The following PCDHA9 variants were observed in gnomAD, a reference collection of about 807,000 sequenced individuals.
PCDHA9 encodes protocadherin alpha-9.
A neutral mutation model predicts 62.0 loss-of-function variants in PCDHA9; 62 were observed. That is an observed-to-expected ratio of 1.00 (90% CI 0.81 to 1.23). The LOEUF is 1.23. Ranked by LOEUF, PCDHA9 falls within the 50% of genes most tolerant of loss-of-function variation. The pLI is 0.00. For synonymous variants in PCDHA9, 557 were observed against 567.6 expected, an observed-to-expected ratio of 0.98 and a Z score of 0.27; for missense variants, 1,205 against 1,249.8, an observed-to-expected ratio of 0.96 and a Z score of 0.54.
chr5:140,966,363 G>A (rs1476634162), intron 1 of PCDHA9: 3 of 402,216 alleles, frequency 7.5e-6, no homozygotes, highest in Admixed American at 4.4e-5. Flanking sequence ...GGGCTGGAGA[G>A]GCTGAGCAGT....
At chr5:140,857,704 G>T in intron 1 of PCDHA9, 1 of 1,597,424 alleles carries the variant, frequency 6.3e-7, no homozygotes, top group Admixed American at 1.7e-5. Flanking sequence ...CGCTGCAGGT[G>T]TTCGTGCTGG....
In PCDHA9 at chr5:140,863,367, G is replaced by A. The variant is rs782714685; in HGVS notation, c.2394+12478G>A. The A allele has an allele frequency of 1.5e-5, 18 of 1,191,312 alleles. No homozygotes were observed. The East Asian group carries it at 5.3e-4, about 35-fold the overall frequency. The allele number at this position is 1,191,312 out of a possible 1,614,324, so 73.8% of individuals were successfully genotyped here. A position where few individuals can be genotyped will look rare whatever the true frequency, so the allele number is the denominator to read the frequency against. ...TGTACACGACGCTGCGGTGCTTGGC[G>A]CAGCTCACCGAGAGCTCGTGCATGC... is the stretch of plus-strand genomic sequence containing the variant. On this transcript the variant is annotated intron_variant, in intron 1 of 3. Transcript: ENST00000532602.
At chr5:140,905,202 T>C (rs1554191944) in intron 1 of PCDHA9, among the ~76,000 whole-genome samples, 1 of 152,196 alleles carries the variant, frequency 6.6e-6, no homozygotes, top group Non-Finnish European at 1.5e-5. Flanking sequence ...CCATCTTGAG[T>C]TGATTTTTGT....
chr5:140,851,307 T>C (rs1562478803), intron 1 of PCDHA9: 21 of 1,000,198 alleles, frequency 2.1e-5, no homozygotes, highest in Non-Finnish European at 2.6e-5. Context: ...TATATAGCAA[T>C]TGTTACCTTG....
chr5:140,997,324 T>C (rs1447294871), intron 3 of PCDHA9, among the ~76,000 whole-genome samples: 1 of 152,202 alleles, frequency 6.6e-6, no homozygotes, highest in Non-Finnish European at 1.5e-5. Context: ...TAGGCAGTTT[T>C]TTCGTTGTAC....
intron 1 of PCDHA9, chr5:140,877,170 G>A (rs782615376): frequency 6.2e-7 from 1 of 1,613,712 alleles, no homozygotes. Flanking sequence ...CGGCACTGCT[G>A]GCGACTCCGG....
intron 1 of PCDHA9, among the ~76,000 whole-genome samples, chr5:140,958,419 A>G (rs1275772647): frequency 6.6e-6 from 1 of 152,196 alleles, no homozygotes; most frequent in Non-Finnish European, 1.5e-5. Flanking sequence ...GCTTGGAAAG[A>G]AGCACTTTTT....
rs2150482265 is a variant in PCDHA9, at chr5:140,850,396, C to T, written c.1901C>T (p.Thr634Met). 6.3e-7 allele frequency: 1 copy of T among 1,597,978 alleles called. No individual in the cohort carries two copies. The highest frequency in any genetic ancestry group is 8.6e-7 in the Non-Finnish European group (1 of 1,167,738). ...CTGTACACGGGCGAGATCAGCACAA[C>T]GCGTGCCCTGGACGAAACGGACGCA... ...VGLYTGEIST[T>M]RALDETDAPR... Residue 634 changes from threonine (T) to methionine (M), a missense_variant, in exon 1 of 4, where the codon ACG becomes ATG. By Grantham distance (81) the Thr-to-Met change is moderately conservative. Around this residue, in one of 3 missense-constraint regions of PCDHA9, gnomAD observed 887 missense variants for 809.5 expected, o/e 1.10. Transcript: ENST00000532602.
In PCDHA9 at chr5:140,879,581, G is replaced by A. The variant is rs537126502; in HGVS notation, c.2394+28692G>A. On this transcript the variant is annotated intron_variant, in intron 1 of 3. Transcript: ENST00000532602. ...ATGAAAGAATAAAATTGCCAAGACA[G>A]ACATTGAAAAGTGAAAAACAATGTG... Among the ~76,000 whole-genome samples the A allele has an allele frequency of 2.6e-5, 4 of 152,334 alleles. No individual in the cohort carries two copies. In the East Asian group the frequency reaches 7.7e-4, roughly 29 times the overall value.
chr5:140,852,638 T>C lies in PCDHA9; in HGVS notation c.2394+1749T>C. 5 of 960,950 alleles carry C rather than the reference T, an allele frequency of 5.2e-6. 1 individual carries two copies. Among genetic ancestry groups the C allele is most frequent in the Non-Finnish European group, 6.3e-6 (5 of 795,190 alleles). The allele number at this position is 960,950 out of a possible 1,614,324, so 59.5% of individuals were successfully genotyped here. On this transcript the variant is annotated intron_variant, in intron 1 of 3. Coordinates refer to ENST00000532602, the MANE Select transcript of PCDHA9 (RefSeq NM_031857.2). ...TTGAGTGGTCTCTGAGCTCCTGTCA[T>C]TAAACCTATCTATATCTGTCTATCA...
chr5:140,926,967 A>G (rs782296182), intron 1 of PCDHA9: 4 of 1,606,666 alleles, frequency 2.5e-6, no homozygotes, highest in Middle Eastern at 1.7e-4. Context: ...TCGAGTACTC[A>G]GTGCCGGAGG....
chr5:140,870,825 C>G (rs1554164734), intron 1 of PCDHA9: 1 of 1,613,726 alleles, frequency 6.2e-7, no homozygotes. Flanking sequence ...GCGCGGGAGG[C>G]GCAGTTAACA....
intron 1 of PCDHA9, among the ~76,000 whole-genome samples, chr5:140,887,995 G>A (rs537858803): frequency 8.5e-5 from 13 of 152,066 alleles, no homozygotes; most frequent in South Asian, 6.2e-4. Context: ...TGTCTCCACC[G>A]AATAGTCATC....
At position 140,983,206 on chromosome 5, in the gene PCDHA9, C is replaced by G. The variant is rs184479967; in HGVS notation, c.2542+643C>G. 1.8e-3 allele frequency among the ~76,000 whole-genome samples: 271 copies of G among 152,316 alleles called. 2 individuals are homozygous for G. Among genetic ancestry groups the G allele is most frequent in the South Asian group, 2.5e-3 (12 of 4,822 alleles). On this transcript the variant is annotated intron_variant, in intron 3 of 3. Transcript: ENST00000532602. ...TCTTAGTTTAGAGGGATAATAGGGA[C>G]TATTTCCTAATCCAAACTTTCAGGA...
chr5:140,924,715 C>A (rs1258622619), intron 1 of PCDHA9, among the ~76,000 whole-genome samples: 3 of 151,692 alleles, frequency 2.0e-5, no homozygotes, highest in Non-Finnish European at 4.4e-5. Flanking sequence ...TGCAACATGG[C>A]GAAACCTCAC....
At chr5:140,931,440 AT>A (rs2153608083) in intron 1 of PCDHA9, among the ~76,000 whole-genome samples, 1 of 141,482 alleles carries the variant, frequency 7.1e-6, no homozygotes, top group South Asian at 2.3e-4. Flanking sequence ...AAAATTAGCT[AT>A]TTAAAAGGAA....
chr5:140,977,762 C>T (rs996806241), intron 1 of PCDHA9, among the ~76,000 whole-genome samples: 6 of 152,124 alleles, frequency 3.9e-5, no homozygotes, highest in Non-Finnish European at 5.9e-5. Context: ...TTATTAAATA[C>T]TTTGCATCCC....
intron 1 of PCDHA9, chr5:140,861,768 T>TATCA (rs1554155221): frequency 1.3e-5 from 2 of 158,832 alleles, no homozygotes; most frequent in African/African-American, 4.8e-5. Context: ...TCCCTGGAAA[T>TATCA]ACCAAGAGCA....
chr5:140,946,508 G>A (rs1352307719), intron 1 of PCDHA9, among the ~76,000 whole-genome samples: 3 of 151,202 alleles, frequency 2.0e-5, no homozygotes, highest in Non-Finnish European at 3.0e-5. Flanking sequence ...GTATGTCAAA[G>A]ACCTATCCGC....
Sources: gnomAD v4.1 joint callset for allele counts (sites outside exome capture counted in the v4.1 genomes callset) on GRCh38, gnomAD v4.1.1 for gene constraint, gnomAD v4.1.1 regional missense constraint, MANE v1.5 for transcripts, NCBI Gene and HGNC (gene_info 2026-07-23, HGNC 2026-07-21) for gene names.